The following SHCBP1L variants were observed in gnomAD, a reference collection of about 807,000 sequenced individuals.
SHCBP1L encodes the protein SHC binding and spindle associated 1 like.
A neutral mutation model predicts 62.5 loss-of-function variants in SHCBP1L; 67 were observed. That is an observed-to-expected ratio of 1.07 (90% CI 0.88 to 1.31). The LOEUF is 1.31. Ranked by LOEUF, SHCBP1L falls within the 40% of genes most tolerant of loss-of-function variation. SHCBP1L has a pLI of 0.00. For missense variants in SHCBP1L, 823 were observed against 809.8 expected (o/e 1.02, Z -0.20); for synonymous variants, 284 against 289.4 (o/e 0.98, Z 0.19).
In SHCBP1L at chr1:182,907,065, C is replaced by T. The variant is rs530916679; in HGVS notation, c.1183-1416G>A. ...ACTCCTCAGCTCAAGTGATCACCCA[C>T]CTCAGCCTCCCAGAGTGCTGGGATT... On this transcript the variant is annotated intron_variant, in intron 6 of 9. Transcript: ENST00000367547. Among the ~76,000 whole-genome samples the T allele has an allele frequency of 3.5e-3, 537 of 152,030 alleles. 1 individual carries two copies. Among genetic ancestry groups the T allele is most frequent in the African/African-American group, 0.013 (528 of 41,520 alleles).
In SHCBP1L at chr1:182,939,273, C is replaced by T; in HGVS notation, c.979G>A (p.Asp327Asn). 1 of 1,613,940 alleles carries T rather than the reference C, an allele frequency of 6.2e-7. No individual in the cohort carries two copies. Among genetic ancestry groups the T allele is most frequent in the Non-Finnish European group, 8.5e-7 (1 of 1,179,946 alleles). Residue 327 changes from aspartate to asparagine, a missense_variant, in exon 5 of 10, where the codon GAT (aspartate) becomes AAT (asparagine). Physicochemically the swap from Asp to Asn is conservative, Grantham distance 23. Transcript: ENST00000367547. ...TCAACAGCCTCTGCTGCAGATGGAT[C>T]TTCTTTAATATTGCTCTGATACTCA... Reference protein sequence around the residue: ...LIEYQSNIKEDPSAAEAVECW... With the variant: ...LIEYQSNIKENPSAAEAVECW...
At chr1:182,918,191 C>T (rs6670233) in intron 6 of SHCBP1L, among the ~76,000 whole-genome samples, 2 of 146,084 alleles carry the variant, frequency 1.4e-5, no homozygotes, top group Non-Finnish European at 3.0e-5. Context: ...TATATATACA[C>T]ATATATATAC....
chr1:182,905,179 G>C (rs1297474318), intron 7 of SHCBP1L, among the ~76,000 whole-genome samples: 1 of 152,142 alleles, frequency 6.6e-6, no homozygotes, highest in African/African-American at 2.4e-5. Flanking sequence ...TTCTGTTTTG[G>C]TGAGTTAGCA....
intron 6 of SHCBP1L, 77 bp from the exon 7 acceptor site, chr1:182,905,726 G>T: frequency 7.2e-7 from 1 of 1,385,244 alleles, no homozygotes; most frequent in Non-Finnish European, 9.9e-7. Flanking sequence ...TTACTTACTG[G>T]ACAAGTACTT....
intron 9 of SHCBP1L, among the ~76,000 whole-genome samples, chr1:182,902,687 C>T (rs1649882409): frequency 6.6e-6 from 1 of 152,096 alleles, no homozygotes; most frequent in African/African-American, 2.4e-5. Flanking sequence ...AGTAAGACTT[C>T]AAATGCTTCT....
rs1290472336 is a variant in SHCBP1L, at chr1:182,909,068, T to C, written c.1183-3419A>G. On this transcript the variant is annotated intron_variant, in intron 6 of 9. Transcript: ENST00000367547. ...AGGTATTACATACATTGGAAGCAGA[T>C]AGCACAAGACTACCTCTGTAAATAA... Among the ~76,000 whole-genome samples the C allele has an allele frequency of 2.0e-5, 3 of 152,194 alleles. 1 individual carries two copies. Among genetic ancestry groups the C allele is most frequent in the Admixed American group, 1.3e-4 (2 of 15,284 alleles).
intron 6 of SHCBP1L, among the ~76,000 whole-genome samples, chr1:182,919,723 G>A (rs1381558230): frequency 3.3e-5 from 5 of 152,162 alleles, no homozygotes; most frequent in Non-Finnish European, 7.3e-5. Context: ...AACTGGAATG[G>A]TCGTTCACTG....
Position 182,939,325 on chromosome 1 carries a change from T to C in SHCBP1L, c.927A>G (p.Lys309=). The C allele has an allele frequency of 6.2e-7, 1 of 1,614,034 alleles. No individual in the cohort carries two copies. The highest frequency in any genetic ancestry group is 1.1e-5 in the South Asian group (1 of 91,080). Reference sequence around the variant, plus strand: ...TGAGCTCGACACGTTTGTTTTTATATTTCTCCAAAGTTTTTTTAAAACGTT... The same window carrying C: ...TGAGCTCGACACGTTTGTTTTTATACTTCTCCAAAGTTTTTTTAAAACGTT... ...IAQRFKKTLE[K]YKNKRVELIE... The change falls in exon 5 of 10, where the codon AAA becomes AAG. Residue 309 remains lysine (K), a synonymous_variant. Coordinates refer to ENST00000367547, the MANE Select transcript of SHCBP1L (RefSeq NM_030933.4).
chr1:182,907,432 A>AG (rs1491545899), intron 6 of SHCBP1L, among the ~76,000 whole-genome samples: 2 of 58,814 alleles, frequency 3.4e-5, no homozygotes, highest in African/African-American at 1.5e-4. Flanking sequence ...AAACTGTCTC[A>AG]AAAAAAAAAA....
rs544690490 is a variant in SHCBP1L, at chr1:182,932,684, G to T, written c.1077-2932C>A. 8.5e-5 allele frequency among the ~76,000 whole-genome samples: 13 copies of T among 152,058 alleles called. No homozygotes were observed. In the South Asian group the frequency reaches 2.7e-3, roughly 32 times the overall value. On this transcript the variant is annotated intron_variant, in intron 5 of 9. Transcript: ENST00000367547. ...TAATTTTTGTATTTTTATTAGAGAT[G>T]GGGTTTTGCCATACTGGCCAGGCTT...
chr1:182,930,258 C>T (rs1650918695), intron 5 of SHCBP1L, among the ~76,000 whole-genome samples: 1 of 151,966 alleles, frequency 6.6e-6, no homozygotes, highest in East Asian at 1.9e-4. Context: ...CAGCTTCTCT[C>T]TTAGTTGTTT....
At chr1:182,948,326 C>T (rs140421377) in intron 2 of SHCBP1L, among the ~76,000 whole-genome samples, 96 of 152,326 alleles carry the variant, frequency 6.3e-4, no homozygotes, top group Admixed American at 1.8e-3. Flanking sequence ...GCAAAATGGA[C>T]TTCACAGATG....
At chr1:182,918,156 A>G (rs920331315) in intron 6 of SHCBP1L, among the ~76,000 whole-genome samples, 1 of 130,276 alleles carries the variant, frequency 7.7e-6, no homozygotes, top group Non-Finnish European at 1.6e-5. Flanking sequence ...ATATATATAC[A>G]CATATATATA....
intron 5 of SHCBP1L, among the ~76,000 whole-genome samples, chr1:182,930,606 CATAT>C (rs1280114990): frequency 2.8e-5 from 1 of 35,678 alleles, no homozygotes; most frequent in African/African-American, 7.9e-5. Flanking sequence ...CACATATATA[CATAT>C]ATATATATTT....
At chr1:182,916,583 T>G (rs1325601277) in intron 6 of SHCBP1L, among the ~76,000 whole-genome samples, 1 of 152,198 alleles carries the variant, frequency 6.6e-6, no homozygotes, top group Non-Finnish European at 1.5e-5. Context: ...TATCATTATA[T>G]GTACACCTAT....
chr1:182,900,290 T>C, intron 9 of SHCBP1L, 56 bp from the exon 10 acceptor site: 1 of 1,364,404 alleles, frequency 7.3e-7, no homozygotes, highest in Non-Finnish European at 9.8e-7. Flanking sequence ...AAAAATGAAG[T>C]AATGAACATA....
intron 5 of SHCBP1L, among the ~76,000 whole-genome samples, chr1:182,931,735 T>C (rs1312593521): frequency 3.3e-5 from 5 of 152,190 alleles, no homozygotes; most frequent in African/African-American, 1.2e-4. Context: ...AGTGGTACAC[T>C]CGTTACAACC....
chr1:182,939,737 T>G (rs1651295806), intron 3 of SHCBP1L, among the ~76,000 whole-genome samples, 184 bp from the exon 4 acceptor site: 1 of 152,196 alleles, frequency 6.6e-6, no homozygotes, highest in Non-Finnish European at 1.5e-5. Context: ...CATTCTATTT[T>G]AGGTTACAGT....
chr1:182,910,160 T>C (rs756905610), intron 6 of SHCBP1L, among the ~76,000 whole-genome samples: 1 of 152,172 alleles, frequency 6.6e-6, no homozygotes, highest in Non-Finnish European at 1.5e-5. Context: ...GAAGCAAACA[T>C]TAAGTTGGCA....
Sources: allele counts gnomAD v4.1 joint callset (sites outside exome capture counted in the v4.1 genomes callset), GRCh38; gene constraint gnomAD v4.1.1; transcripts MANE v1.5; gene names NCBI Gene and HGNC (gene_info 2026-07-23, HGNC 2026-07-21).